The following MAD1L1 variants were observed in gnomAD, a reference collection of about 807,000 sequenced individuals.
The protein encoded by MAD1L1 is mitotic spindle assembly checkpoint protein MAD1.
Under a neutral mutation model 96.9 loss-of-function variants are expected in MAD1L1, and 95 were observed. That is an observed-to-expected ratio of 0.98 (90% CI 0.83 to 1.16). MAD1L1 has a LOEUF of 1.16. MAD1L1 is among the 50% of genes most tolerant of loss of function. MAD1L1 has a pLI of 0.00. For synonymous variants in MAD1L1, 473 were observed against 396.6 expected (o/e 1.19, Z -2.29); for missense variants, 1,007 against 954.4 (o/e 1.06, Z -0.73).
intron 18 of MAD1L1, among the ~76,000 whole-genome samples, chr7:1,857,956 G>A (rs1210829038): frequency 1.3e-5 from 2 of 152,224 alleles, no homozygotes; most frequent in Non-Finnish European, 2.9e-5. Context: ...CCCCAGGGCC[G>A]AGTCCCTTGG....
At position 2,142,861 on chromosome 7, in the gene MAD1L1, C is replaced by G. The variant is rs1789110767; in HGVS notation, c.1073+6291G>C. Among the ~76,000 whole-genome samples the G allele has an allele frequency of 6.6e-6, 1 of 152,218 alleles. No homozygotes were observed. The highest frequency in any genetic ancestry group is 6.5e-5 in the Admixed American group (1 of 15,286). The stretch of plus-strand genomic sequence containing the variant: ...TCAAGGGCAGGCCAGAACTGGCCAT[C>G]CCGATGTGCTCTCTCACCCACACTG... On this transcript the variant is annotated intron_variant, in intron 11 of 18. Coordinates refer to ENST00000265854, the MANE Select transcript of MAD1L1 (RefSeq NM_001013836.2). The surrounding 1 kb of genome is among the most constrained non-coding windows in gnomAD (Gnocchi z 4.7).
rs1793824833 is a variant in MAD1L1, at chr7:2,225,255, CTGGGAT to C, written c.291+149_291+154del. Among the ~76,000 whole-genome samples, 6 of 39,490 alleles carry C rather than the reference CTGGGAT, an allele frequency of 1.5e-4. No individual in the cohort carries two copies. In the Admixed American group the frequency reaches 1.6e-3, roughly 10 times the overall value. The allele number at this position is 39,490 out of a possible 152,430, so 25.9% of individuals were successfully genotyped here. ...TGCACAGCCCCCTTGCTCCCAGGGA[CTGGGAT>C]CTGATTTCTTAAGACCTGGCAGGTA... On this transcript the variant is annotated intron_variant, in intron 4 of 18. Transcript: ENST00000265854.
chr7:1,826,074 A>G (rs1427630142), intron 18 of MAD1L1, among the ~76,000 whole-genome samples: 7 of 150,760 alleles, frequency 4.6e-5, no homozygotes, highest in Admixed American at 2.7e-4. Flanking sequence ...CCTGCCGGGT[A>G]CAGCGTGAAA....
intron 12 of MAD1L1, among the ~76,000 whole-genome samples, chr7:2,056,566 C>G (rs976853725): frequency 4.6e-5 from 7 of 152,196 alleles, no homozygotes; most frequent in Non-Finnish European, 7.3e-5. Context: ...GCTCCACGAC[C>G]CATCTGCAAA....
chr7:2,192,079 T>C (rs1431210950), intron 10 of MAD1L1, among the ~76,000 whole-genome samples: 1 of 151,620 alleles, frequency 6.6e-6, no homozygotes, highest in Non-Finnish European at 1.5e-5. Flanking sequence ...AAAACTAAAA[T>C]TAAATCAGGG....
intron 16 of MAD1L1, among the ~76,000 whole-genome samples, chr7:1,945,945 A>T (rs756060915): frequency 6.6e-6 from 1 of 152,096 alleles, no homozygotes; most frequent in Non-Finnish European, 1.5e-5. Context: ...AGACCCAAGC[A>T]CTTCCCACCA....
chr7:1,834,670 G>A (rs1258527228), intron 18 of MAD1L1, among the ~76,000 whole-genome samples: 4 of 152,316 alleles, frequency 2.6e-5, no homozygotes, highest in Middle Eastern at 3.4e-3. Flanking sequence ...TGGGTTTACC[G>A]ATGAATTGGA....
At chr7:2,196,869 C>G (rs769623037) in intron 10 of MAD1L1, among the ~76,000 whole-genome samples, 1 of 152,232 alleles carries the variant, frequency 6.6e-6, no homozygotes, top group Admixed American at 6.5e-5. Flanking sequence ...CAACTGACAA[C>G]AGGAAACACC....
chr7:2,134,760 CAGAG>C (rs1023710013), intron 11 of MAD1L1, among the ~76,000 whole-genome samples: 3 of 152,210 alleles, frequency 2.0e-5, no homozygotes, highest in African/African-American at 4.8e-5. Flanking sequence ...GTGGGGTTCT[CAGAG>C]AGCAACTTGT....
chr7:1,839,989 G>A (rs931851202), intron 18 of MAD1L1, among the ~76,000 whole-genome samples: 1 of 152,188 alleles, frequency 6.6e-6, no homozygotes, highest in African/African-American at 2.4e-5. Context: ...CAGGACCCCC[G>A]CATTACTGCT....
intron 17 of MAD1L1, among the ~76,000 whole-genome samples, chr7:1,920,251 C>T (rs947306688): frequency 2.6e-5 from 4 of 152,114 alleles, no homozygotes; most frequent in African/African-American, 7.3e-5. Context: ...TGCGTGCGTG[C>T]GTGTGCATGT....
chr7:1,956,461 C>T (rs1284675492), intron 16 of MAD1L1, among the ~76,000 whole-genome samples: 2 of 152,160 alleles, frequency 1.3e-5, no homozygotes, highest in African/African-American at 4.8e-5. Flanking sequence ...CATATCACGG[C>T]ATAAACATCT....
intron 16 of MAD1L1, among the ~76,000 whole-genome samples, chr7:1,941,892 G>A (rs1779017643): frequency 6.7e-6 from 1 of 149,418 alleles, no homozygotes; most frequent in Admixed American, 6.7e-5. Flanking sequence ...GCTCTGTGCA[G>A]ATGGCAACAT....
At chr7:2,207,196 G>T (rs899284705) in intron 10 of MAD1L1, among the ~76,000 whole-genome samples, 3 of 151,912 alleles carry the variant, frequency 2.0e-5, no homozygotes, top group Non-Finnish European at 4.4e-5. Flanking sequence ...TAACAATAAT[G>T]AATCTTCCAA....
At chr7:2,194,131 T>C (rs1043972737) in intron 10 of MAD1L1, among the ~76,000 whole-genome samples, 1 of 151,886 alleles carries the variant, frequency 6.6e-6, no homozygotes, top group African/African-American at 2.4e-5. Context: ...TGTGTGTGTA[T>C]TCTTTTGCAG....
At chr7:2,149,865 G>A (rs921717384) in intron 10 of MAD1L1, among the ~76,000 whole-genome samples, 9 of 152,200 alleles carry the variant, frequency 5.9e-5, no homozygotes, top group African/African-American at 1.9e-4. Flanking sequence ...CTGGGACTCC[G>A]GAGGACACAG....
chr7:1,945,355 T>C (rs1779181084), intron 16 of MAD1L1, among the ~76,000 whole-genome samples: 1 of 152,352 alleles, frequency 6.6e-6, no homozygotes, highest in Admixed American at 6.5e-5. Context: ...GCTGAATGAA[T>C]GCATGATGAT....
At chr7:2,007,598 C>T (rs1423129239) in intron 13 of MAD1L1, among the ~76,000 whole-genome samples, 2 of 152,216 alleles carry the variant, frequency 1.3e-5, no homozygotes, top group African/African-American at 2.4e-5. Flanking sequence ...CACTTGAACC[C>T]GGCAAGCGGA....
chr7:2,013,790 A>G (rs1782408177), intron 13 of MAD1L1, among the ~76,000 whole-genome samples: 1 of 152,190 alleles, frequency 6.6e-6, no homozygotes, highest in East Asian at 1.9e-4. Context: ...GCCCCAGTGT[A>G]GATGAGAAGT....
Sources: gnomAD v4.1 joint callset for allele counts (sites outside exome capture counted in the v4.1 genomes callset) on GRCh38, gnomAD v4.1.1 for gene constraint, Gnocchi (gnomAD v3.1) non-coding constraint, MANE v1.5 for transcripts, NCBI Gene and HGNC (gene_info 2026-07-23, HGNC 2026-07-21) for gene names.